The following LUZP2 variants were observed in gnomAD, a reference collection of about 807,000 sequenced individuals.
LUZP2 encodes the protein leucine zipper protein 2.
LUZP2 carries 52 observed loss-of-function variants against 51.6 expected under a neutral mutation model. The observed-to-expected ratio is 1.01, with a 90% CI of 0.81 to 1.27. LUZP2 has a LOEUF of 1.27. LUZP2 is among the 50% of genes most tolerant of loss of function. The pLI is 0.00. For synonymous variants in LUZP2, 154 were observed against 137.3 expected (o/e 1.12, Z -0.85); for missense variants, 436 against 395.4 (o/e 1.10, Z -0.87).
At chr11:24,760,609 G>A (rs113305631) in intron 4 of LUZP2, among the ~76,000 whole-genome samples, 1 of 152,114 alleles carries the variant, frequency 6.6e-6, no homozygotes, top group African/African-American at 2.4e-5. Context: ...TTTGGTTTGG[G>A]TTTTCTGTAA....
chr11:24,789,077 C>T (rs764953484), intron 5 of LUZP2, among the ~76,000 whole-genome samples: 2 of 152,196 alleles, frequency 1.3e-5, no homozygotes, highest in Non-Finnish European at 2.9e-5. Context: ...TTCCATGCTG[C>T]ATAGTGTTCA....
chr11:24,939,057 T>TTC (rs372624492), intron 7 of LUZP2, among the ~76,000 whole-genome samples: 14 of 151,634 alleles, frequency 9.2e-5, no homozygotes, highest in Admixed American at 2.0e-4. Context: ...GAAAGGATTT[T>TTC]TCTCTCTCTC....
chr11:24,886,297 G>C (rs1049606593), intron 5 of LUZP2, among the ~76,000 whole-genome samples: 1 of 152,010 alleles, frequency 6.6e-6, no homozygotes, highest in Non-Finnish European at 1.5e-5. Context: ...TTTGACCAAA[G>C]GTATTTCACT....
chr11:24,697,109 T>C (rs1857273359), intron 1 of LUZP2, among the ~76,000 whole-genome samples: 1 of 152,128 alleles, frequency 6.6e-6, no homozygotes, highest in South Asian at 2.1e-4. Flanking sequence ...TGGATTTTCT[T>C]TTCCATGGAT....
At chr11:24,739,174 G>C (rs1283777308) in intron 4 of LUZP2, among the ~76,000 whole-genome samples, 1 of 152,032 alleles carries the variant, frequency 6.6e-6, no homozygotes, top group South Asian at 2.1e-4. Flanking sequence ...GAAACTGTGG[G>C]TAAGAGGCTT....
At chr11:24,561,276 G>T (rs934908906) in intron 1 of LUZP2, among the ~76,000 whole-genome samples, 1 of 152,036 alleles carries the variant, frequency 6.6e-6, no homozygotes, top group Non-Finnish European at 1.5e-5. Context: ...TCATATCAAA[G>T]ATATTTTAAA....
intron 1 of LUZP2, among the ~76,000 whole-genome samples, chr11:24,600,814 T>A (rs1157059390): frequency 6.6e-6 from 1 of 152,070 alleles, no homozygotes; most frequent in East Asian, 1.9e-4. Context: ...TATAGCTGTT[T>A]AAAAAGAAGG....
chr11:24,756,792 C>G (rs1425843141), intron 4 of LUZP2, among the ~76,000 whole-genome samples: 1 of 152,144 alleles, frequency 6.6e-6, no homozygotes, highest in African/African-American at 2.4e-5. Flanking sequence ...GAGATAGTGT[C>G]AGATCCCACA....
At chr11:24,759,573 C>T (rs530134503) in intron 4 of LUZP2, among the ~76,000 whole-genome samples, 5 of 152,084 alleles carry the variant, frequency 3.3e-5, no homozygotes, top group East Asian at 1.9e-4. Flanking sequence ...ATGAACAATG[C>T]GTGCAGTATC....
Position 24,554,157 on chromosome 11 carries a change from T to C in LUZP2, c.62+56852T>C, listed in dbSNP as rs1235841735. Among the ~76,000 whole-genome samples, 4 of 152,188 alleles carry C rather than the reference T, an allele frequency of 2.6e-5. No homozygotes were observed. In the East Asian group the frequency reaches 7.7e-4, roughly 29 times the overall value. On this transcript the variant is annotated intron_variant, in intron 1 of 11. Coordinates refer to ENST00000336930, the MANE Select transcript of LUZP2 (RefSeq NM_001009909.4). ...GAGAGAAGATGTGAAAAGCATAATT[T>C]GAAAATTGCAACTTCAGAAAACTGA... is the stretch of plus-strand genomic sequence containing the variant.
chr11:24,748,521 A>G (rs964545962), intron 4 of LUZP2, among the ~76,000 whole-genome samples: 5 of 150,368 alleles, frequency 3.3e-5, no homozygotes, highest in Non-Finnish European at 5.9e-5. Flanking sequence ...GTGCAGTGGC[A>G]CGATCTCAGC....
At chr11:24,695,154 A>G (rs1267300442) in intron 1 of LUZP2, among the ~76,000 whole-genome samples, 1 of 152,078 alleles carries the variant, frequency 6.6e-6, no homozygotes, top group Non-Finnish European at 1.5e-5. Context: ...ATATATGGAT[A>G]CATTTTAAAT....
chr11:24,909,476 A>G (rs142385458), intron 6 of LUZP2, among the ~76,000 whole-genome samples: 84 of 151,528 alleles, frequency 5.5e-4, no homozygotes, highest in African/African-American at 1.9e-3. Flanking sequence ...CTCTCCCTTG[A>G]TATTCATCAA....
intron 10 of LUZP2, among the ~76,000 whole-genome samples, chr11:25,053,114 T>C (rs1052476224): frequency 3.3e-5 from 5 of 152,008 alleles, no homozygotes; most frequent in African/African-American, 4.8e-5. Flanking sequence ...ACAGAAACAA[T>C]TGGGAACAAA....
chr11:25,064,327 AT>A (rs1304491450), intron 10 of LUZP2, among the ~76,000 whole-genome samples: 6 of 152,104 alleles, frequency 3.9e-5, no homozygotes, highest in African/African-American at 1.2e-4. Context: ...TGTATATTAA[AT>A]TATGTATCTA....
intron 5 of LUZP2, among the ~76,000 whole-genome samples, chr11:24,877,830 G>A (rs1852321041): frequency 6.6e-6 from 1 of 151,878 alleles, no homozygotes; most frequent in African/African-American, 2.4e-5. Flanking sequence ...TTAATTTTTA[G>A]TCCTCACAAA....
chr11:24,554,219 G>C (rs1851802389), intron 1 of LUZP2, among the ~76,000 whole-genome samples: 1 of 152,246 alleles, frequency 6.6e-6, no homozygotes, highest in South Asian at 2.1e-4. Context: ...TTTCTAAGGA[G>C]CTGCTTTCTT....
intron 5 of LUZP2, among the ~76,000 whole-genome samples, chr11:24,763,658 G>A (rs780900428): frequency 3.9e-4 from 59 of 152,048 alleles, no homozygotes; most frequent in Admixed American, 6.6e-4. Flanking sequence ...AATTGGCTGC[G>A]TGCTAGAAAG....
chr11:24,853,003 C>A (rs138447974), intron 5 of LUZP2, among the ~76,000 whole-genome samples: 29 of 152,096 alleles, frequency 1.9e-4, no homozygotes, highest in South Asian at 4.2e-4. Context: ...TACAGCACAC[C>A]GATTGGTCTT....
Sources: allele counts gnomAD v4.1 joint callset (sites outside exome capture counted in the v4.1 genomes callset), GRCh38; gene constraint gnomAD v4.1.1; transcripts MANE v1.5; gene names NCBI Gene and HGNC (gene_info 2026-07-23, HGNC 2026-07-21).